Variants in HTT observed in about 807,000 individuals in gnomAD.
HTT encodes huntingtin, also known as huntington disease protein.
In HTT, 104 loss-of-function variants were observed where a neutral mutation model predicts 362.3. The ratio of observed to expected loss-of-function variants is 0.29; its 90% CI spans 0.24 to 0.34. HTT has a LOEUF of 0.34. Ranked by LOEUF, HTT falls within the 10% of genes least tolerant of loss-of-function variation. The probability of loss-of-function intolerance (pLI) is 1.00; values close to 1 mark genes in which losing one functional copy is unlikely to be tolerated. For synonymous variants in HTT, 1,577 were observed against 1,548.7 expected (o/e 1.02, Z -0.43); for missense variants, 3,301 against 3,928.6 (o/e 0.84, Z 4.27).
At chr4:3,197,705 G>A (rs1158704049) in intron 40 of HTT, among the ~76,000 whole-genome samples, 1 of 152,176 alleles carries the variant, frequency 6.6e-6, no homozygotes, top group Non-Finnish European at 1.5e-5. Context: ...CCCAGGTAAG[G>A]TGCATCCAAG....
Position 3,074,909 on chromosome 4 carries a change from GCA to G in HTT, c.85_86del (p.Gln29AlafsTer53). On this transcript the variant is annotated frameshift_variant, in exon 1 of 67. Coordinates refer to ENST00000355072, the MANE Select transcript of HTT (RefSeq NM_001388492.1). LOFTEE classifies it high-confidence loss of function. The part of the protein sequence containing the change: ...QQQQQQQQQQ[Q>X]QQQQQQQQQP... ...AGCAGCAGCAGCAGCAGCAGCAGCA[GCA>G]GCAGCAGCAGCAGCAGCAGCAGCAA... is the stretch of plus-strand genomic sequence containing the variant. The G allele has an allele frequency of 6.7e-7, 1 of 1,494,032 alleles. No homozygotes were observed. The highest frequency in any genetic ancestry group is 2.7e-5 in the East Asian group (1 of 36,856). 92.5% of individuals were successfully genotyped at this position (1,494,032 alleles called of 1,614,324 possible).
At chr4:3,136,597 G>GA (rs5855770) in intron 21 of HTT, among the ~76,000 whole-genome samples, 47,482 of 149,936 alleles carry the variant, frequency 0.32, 8,070 homozygotes, top group East Asian at 0.41. Flanking sequence ...GTACTAAGAA[G>GA]AAAAAAAAAA....
intron 35 of HTT, 33 bp from the exon 36 acceptor site, chr4:3,180,482 A>G (rs1718461085): frequency 6.6e-7 from 1 of 1,517,704 alleles, no homozygotes; most frequent in Non-Finnish European, 8.8e-7. Context: ...TTTCCATGAA[A>G]TGCCTGATAA....
At chr4:3,139,443 CT>C (rs1466994987) in intron 21 of HTT, among the ~76,000 whole-genome samples, 3 of 152,208 alleles carry the variant, frequency 2.0e-5, no homozygotes, top group Non-Finnish European at 2.9e-5. Flanking sequence ...AGCGGTCCCC[CT>C]GTCTCGGCCT....
chr4:3,236,307 T>G (rs1206919444), intron 64 of HTT, 53 bp downstream of exon 64: 2 of 1,262,140 alleles, frequency 1.6e-6, no homozygotes, highest in Admixed American at 3.4e-5. Context: ...AACTTTGGCC[T>G]GAAGCTGTGC....
In HTT at chr4:3,112,041, AGCTTCC is replaced by A. The variant is rs1179549717; in HGVS notation, c.748-3261_748-3256del. 3.9e-5 allele frequency among the ~76,000 whole-genome samples: 6 copies of A among 152,108 alleles called. No individual in the cohort carries two copies. In the East Asian group the frequency reaches 1.2e-3, roughly 29 times the overall value. ...AGTTATGTAGCTCTTGTTACTTTTT[AGCTTCC>A]GAAGTTTTGTTGACACCCGTAGTCT... On this transcript the variant is annotated intron_variant, in intron 6 of 66. Transcript: ENST00000355072.
intron 22 of HTT, among the ~76,000 whole-genome samples, chr4:3,140,940 G>A (rs1716317589): frequency 1.3e-5 from 2 of 151,750 alleles, no homozygotes; most frequent in Admixed American, 6.6e-5. Context: ...TGACACTTAC[G>A]TATTATCTGT....
rs532930003 is a variant in HTT, at chr4:3,152,387, C to A, written c.3499-1906C>A. On this transcript the variant is annotated intron_variant, in intron 26 of 66. Coordinates refer to ENST00000355072, the MANE Select transcript of HTT (RefSeq NM_001388492.1). Reference sequence around the variant, plus strand: ...TGCTGGGATTACAGGCGTGAGCTACCGCTCCCAGCCAGGAAACAGCATTCT... The same window carrying A: ...TGCTGGGATTACAGGCGTGAGCTACAGCTCCCAGCCAGGAAACAGCATTCT... Among the ~76,000 whole-genome samples the A allele has an allele frequency of 7.2e-5, 11 of 152,214 alleles. No individual in the cohort carries two copies. In the East Asian group the frequency reaches 2.1e-3, roughly 29 times the overall value.
At chr4:3,224,283 G>C in intron 56 of HTT, 152 bp downstream of exon 56, 2 of 767,560 alleles carry the variant, frequency 2.6e-6, no homozygotes. Flanking sequence ...TCATAAGCAG[G>C]AGTCTTAGTC....
intron 32 of HTT, 72 bp downstream of exon 32, chr4:3,174,871 T>G: frequency 1.3e-6 from 2 of 1,561,486 alleles, no homozygotes; most frequent in South Asian, 1.1e-5. Flanking sequence ...GCTGAGACTT[T>G]CCAGGTATTT....
rs148100318 is a variant in HTT at position 3,137,011 on chromosome 4, G to A, written c.2798+685G>A. Among the ~76,000 whole-genome samples the A allele has an allele frequency of 3.9e-3, 594 of 151,476 alleles. 19 individuals are homozygous for A. The highest frequency in any genetic ancestry group is 0.035 in the Admixed American group (533 of 15,208). The stretch of plus-strand genomic sequence containing the variant: ...CAACCTCTGTCTCCCTGGTTCAAGC[G>A]ATTCTCCTGCCTCAGCCTCCCGAGT... On this transcript the variant is annotated intron_variant, in intron 21 of 66. Coordinates refer to ENST00000355072, the MANE Select transcript of HTT (RefSeq NM_001388492.1).
intron 4 of HTT, 43 bp downstream of exon 4, chr4:3,103,926 A>T: frequency 1.7e-6 from 2 of 1,188,956 alleles, no homozygotes. Context: ...TAAATTTTAA[A>T]TTTTTATAGG....
rs1175125348 is a variant in HTT at position 3,134,394 on chromosome 4, G to A, written c.2494-7G>A. ...GCTGTCCTCTTGCCTTGGACCTTGT[G>A]TTCCAGAACTGTGTCATGAGTCTCT... On this transcript the variant is annotated splice_polypyrimidine_tract_variant and splice_region_variant and intron_variant, in intron 18 of 66. Transcript: ENST00000355072. 7 of 1,612,782 alleles carry A rather than the reference G, an allele frequency of 4.3e-6. No homozygotes were observed. The highest frequency in any genetic ancestry group is 1.7e-5 in the Admixed American group (1 of 59,864).
At position 3,242,852 on chromosome 4, in the gene HTT, TG is replaced by T. The variant is rs1182486928; in HGVS notation, c.*2794del. 4.6e-5 allele frequency: 7 copies of T among 152,198 alleles called. No homozygotes were observed. Among genetic ancestry groups the T allele is most frequent in the African/African-American group, 1.7e-4 (7 of 41,458 alleles). The allele number at this position is 152,198 out of a possible 1,614,324, so 9.4% of individuals were successfully genotyped here. A position where few individuals can be genotyped will look rare whatever the true frequency, so the allele number is the denominator to read the frequency against. On this transcript the variant is annotated 3_prime_UTR_variant, in exon 67 of 67. Transcript: ENST00000355072. ...TGAAGCGTGTTTCTTTCCCAAAATGTGCCTCCCTTCCGCTGCGGGCCCAGCT... is the reference window on the plus strand; with the variant it reads ...TGAAGCGTGTTTCTTTCCCAAAATGTCCTCCCTTCCGCTGCGGGCCCAGCT...
rs1051334364 is a variant in HTT, at chr4:3,104,685, A to G, written c.529-672A>G. Among the ~76,000 whole-genome samples the G allele has an allele frequency of 3.9e-5, 6 of 152,264 alleles. No individual in the cohort carries two copies. The South Asian group carries it at 6.2e-4, about 16-fold the overall frequency. On this transcript the variant is annotated intron_variant, in intron 4 of 66. Coordinates refer to ENST00000355072, the MANE Select transcript of HTT (RefSeq NM_001388492.1). Reference sequence around the variant, plus strand: ...TCCCAGCACTTTGGGAACCTGAGGCAGGTGGATGCTTGAGACCAGGAGTTT... The same window carrying G: ...TCCCAGCACTTTGGGAACCTGAGGCGGGTGGATGCTTGAGACCAGGAGTTT...
At position 3,189,475 on chromosome 4, in the gene HTT, A is replaced by G. The variant is rs1252593946; in HGVS notation, c.5368+382A>G. Among the ~76,000 whole-genome samples the G allele has an allele frequency of 2.6e-5, 4 of 152,368 alleles. No homozygotes were observed. The East Asian group carries it at 7.7e-4, about 29-fold the overall frequency. On this transcript the variant is annotated intron_variant, in intron 40 of 66. Transcript: ENST00000355072. Reference sequence around the variant, plus strand: ...AAAGGACATTCTGACACATGCTACAACATGGGTGACCCTTAAGGACATTAT... The same window carrying G: ...AAAGGACATTCTGACACATGCTACAGCATGGGTGACCCTTAAGGACATTAT...
chr4:3,132,922 T>C lies in HTT; in HGVS notation c.2493+11T>C. On this transcript the variant is annotated intron_variant, in intron 18 of 66. Transcript: ENST00000355072. Reference sequence around the variant, plus strand: ...TGTACAGCTGTGAGGGTGAGCATAATCTTCTGTGGAACCATTTCTTCACTT... The same window carrying C: ...TGTACAGCTGTGAGGGTGAGCATAACCTTCTGTGGAACCATTTCTTCACTT... 1 of 1,573,464 alleles carries C rather than the reference T, an allele frequency of 6.4e-7. No individual in the cohort carries two copies. The highest frequency in any genetic ancestry group is 8.7e-7 in the Non-Finnish European group (1 of 1,143,040).
chr4:3,162,652 G>A (rs1717503456), intron 29 of HTT, among the ~76,000 whole-genome samples: 1 of 152,170 alleles, frequency 6.6e-6, no homozygotes, highest in Admixed American at 6.5e-5. Context: ...TCCCTTGTAA[G>A]TTGTCTTCCT....
chr4:3,079,788 A>C (rs1042898812), intron 1 of HTT, among the ~76,000 whole-genome samples: 10 of 152,178 alleles, frequency 6.6e-5, no homozygotes, highest in Non-Finnish European at 1.3e-4. Context: ...CACCGGCAAA[A>C]GCAGAAACCA....
Sources: gnomAD v4.1 joint callset for allele counts (sites outside exome capture counted in the v4.1 genomes callset) on GRCh38, gnomAD v4.1.1 for gene constraint, MANE v1.5 for transcripts, NCBI Gene and HGNC (gene_info 2026-07-23, HGNC 2026-07-21) for gene names.